C12orf42: variants seen among roughly 807,000 people sequenced by gnomAD.
The protein encoded by C12orf42 is uncharacterized protein C12orf42.
C12orf42 carries 25 observed loss-of-function variants against 21.6 expected under a neutral mutation model. That is an observed-to-expected ratio of 1.16 (90% CI 0.84 to 1.62). The LOEUF is 1.62. Among genes scored for constraint, C12orf42 ranks in the 40% most tolerant of loss-of-function variants. The pLI is 0.00. For synonymous variants in C12orf42, 174 were observed against 175.0 expected (o/e 0.99, Z 0.05); for missense variants, 483 against 459.3 (o/e 1.05, Z -0.47).
chr12:103,412,370 T>TA (rs1389273048), intron 2 of C12orf42, among the ~76,000 whole-genome samples: 1 of 152,166 alleles, frequency 6.6e-6, no homozygotes, highest in African/African-American at 2.4e-5. Context: ...TAAACTGGAA[T>TA]AAAATTTGAA....
chr12:103,117,359 C>A, the C12orf42 span, among the ~76,000 whole-genome samples: 2 of 152,180 alleles, frequency 1.3e-5, no homozygotes. Flanking sequence ...TTCACAATGG[C>A]ATGCTGTCCC....
chr12:103,141,326 G>T, the C12orf42 span, among the ~76,000 whole-genome samples: 1 of 152,102 alleles, frequency 6.6e-6, no homozygotes. Context: ...TGTCAGTAAA[G>T]AACCCCAAAT....
chr12:103,528,326 G>A, the C12orf42 span, among the ~76,000 whole-genome samples: 1 of 152,252 alleles, frequency 6.6e-6, no homozygotes, highest in Non-Finnish European at 1.5e-5. Flanking sequence ...AGTAGTACTT[G>A]AGCTGTGAAT....
At chr12:103,093,210 CCAATTCAG>C in the C12orf42 span, among the ~76,000 whole-genome samples, 2 of 152,228 alleles carry the variant, frequency 1.3e-5, no homozygotes, top group African/African-American at 2.4e-5. Flanking sequence ...CTATGAGTCT[CCAATTCAG>C]CTTGACCATG....
downstream of C12orf42, among the ~76,000 whole-genome samples, chr12:103,234,292 A>T (rs1174678215): frequency 6.6e-6 from 1 of 152,152 alleles, no homozygotes; most frequent in Non-Finnish European, 1.5e-5. Context: ...ACAATATTCC[A>T]TTTATGCCTA....
At chr12:103,217,118 C>A in the C12orf42 span, among the ~76,000 whole-genome samples, 1 of 152,090 alleles carries the variant, frequency 6.6e-6, no homozygotes, top group Non-Finnish European at 1.5e-5. Flanking sequence ...GCTGGGATTA[C>A]AAGCGTGAGC....
At chr12:103,086,962 C>T in the C12orf42 span, among the ~76,000 whole-genome samples, 570 of 152,228 alleles carry the variant, frequency 3.7e-3, 2 homozygotes, top group African/African-American at 0.013. Flanking sequence ...AGCAGAAACT[C>T]AACAAGTGAA....
chr12:103,235,384 C>A (rs2136151143), downstream of C12orf42, among the ~76,000 whole-genome samples: 1 of 152,224 alleles, frequency 6.6e-6, no homozygotes, highest in South Asian at 2.1e-4. Flanking sequence ...TTAGAAGTTT[C>A]TTTCCAACTT....
chr12:103,389,263 C>T (rs1488520240), intron 3 of C12orf42, among the ~76,000 whole-genome samples: 3 of 152,144 alleles, frequency 2.0e-5, no homozygotes, highest in Non-Finnish European at 4.4e-5. Flanking sequence ...GAGAAGACTG[C>T]TACAGATTCC....
the C12orf42 span, among the ~76,000 whole-genome samples, chr12:103,217,396 G>A: frequency 6.6e-6 from 1 of 152,012 alleles, no homozygotes; most frequent in South Asian, 2.1e-4. Context: ...GAGTGTCATG[G>A]TGCATGCATG....
At chr12:103,439,598 G>C (rs949235363) in intron 2 of C12orf42, among the ~76,000 whole-genome samples, 8 of 145,850 alleles carry the variant, frequency 5.5e-5, no homozygotes, top group African/African-American at 1.8e-4. Context: ...GTGGGCGAAG[G>C]ACATGAACAG....
chr12:103,118,524 C>T, the C12orf42 span, among the ~76,000 whole-genome samples: 7 of 152,102 alleles, frequency 4.6e-5, no homozygotes, highest in Middle Eastern at 3.4e-3. Context: ...TTTGGCTGGG[C>T]GCGGTGGCTC....
chr12:103,410,088 T>C (rs954043551), intron 2 of C12orf42, among the ~76,000 whole-genome samples: 2 of 152,168 alleles, frequency 1.3e-5, no homozygotes, highest in African/African-American at 4.8e-5. Context: ...TAAAGATCAT[T>C]TAATCCAACA....
chr12:103,287,485 C>T (rs2036540122), intron 4 of C12orf42, among the ~76,000 whole-genome samples: 1 of 151,940 alleles, frequency 6.6e-6, no homozygotes, highest in South Asian at 2.1e-4. Context: ...TGTTCTCACT[C>T]ATAGGTGGGA....
intron 2 of C12orf42, among the ~76,000 whole-genome samples, chr12:103,421,528 C>G (rs1033170159): frequency 6.6e-6 from 1 of 151,762 alleles, no homozygotes; most frequent in Non-Finnish European, 1.5e-5. Context: ...GAGCCATAAT[C>G]TCACCACTGC....
the C12orf42 span, among the ~76,000 whole-genome samples, chr12:103,512,405 G>A: frequency 6.6e-6 from 1 of 151,534 alleles, no homozygotes; most frequent in Admixed American, 6.6e-5. Flanking sequence ...GGAAAGCAGA[G>A]GAGGATGACT....
chr12:103,418,025 C>G (rs1195537895), intron 2 of C12orf42, among the ~76,000 whole-genome samples: 1 of 152,162 alleles, frequency 6.6e-6, no homozygotes, highest in Non-Finnish European at 1.5e-5. Flanking sequence ...TAAAAGATAA[C>G]TTTGCTATTC....
At chr12:103,235,979 G>A (rs1332349278), downstream of C12orf42, among the ~76,000 whole-genome samples, 3 of 152,142 alleles carry the variant, frequency 2.0e-5, no homozygotes, top group East Asian at 5.8e-4. Context: ...CTGGAAATAA[G>A]GTAAGTCATG....
At chr12:103,546,139 C>A in the C12orf42 span, among the ~76,000 whole-genome samples, 1 of 152,128 alleles carries the variant, frequency 6.6e-6, no homozygotes, top group Non-Finnish European at 1.5e-5. Context: ...GGGATGACGC[C>A]AATCACTGAA....
Sources: allele counts gnomAD v4.1 joint callset (sites outside exome capture counted in the v4.1 genomes callset), GRCh38; gene constraint gnomAD v4.1.1; transcripts MANE v1.5; gene names NCBI Gene and HGNC (gene_info 2026-07-23, HGNC 2026-07-21).